The following FAIM2 variants were observed in gnomAD, a reference collection of about 807,000 sequenced individuals.
The protein encoded by FAIM2 is Fas apoptotic inhibitory molecule 2.
Under a neutral mutation model 47.4 loss-of-function variants are expected in FAIM2, and 27 were observed. The observed-to-expected ratio is 0.57, with a 90% CI of 0.42 to 0.78. FAIM2 has a LOEUF of 0.78. Ranked by LOEUF, FAIM2 falls within the 30% of genes least tolerant of loss-of-function variation. The pLI is 0.00. For missense variants in FAIM2, 311 were observed against 389.4 expected, an observed-to-expected ratio of 0.80 and a Z score of 1.69; for synonymous variants, 156 against 159.3, an observed-to-expected ratio of 0.98 and a Z score of 0.16.
At chr12:49,887,326 G>T in intron 11 of FAIM2, 60 bp downstream of exon 11, 3 of 1,463,174 alleles carry the variant, frequency 2.1e-6, no homozygotes, top group Non-Finnish European at 2.8e-6. Flanking sequence ...AGGAGAAGGG[G>T]ACTGGGGTGA....
At chr12:49,887,298 G>A (rs1219352823) in intron 11 of FAIM2, 88 bp downstream of exon 11, 1 of 1,208,612 alleles carries the variant, frequency 8.3e-7, no homozygotes, top group South Asian at 1.3e-5. Context: ...CAGGGAAGAG[G>A]GCTGTGAGGA....
intron 11 of FAIM2, among the ~76,000 whole-genome samples, chr12:49,870,915 T>A (rs1946697835): frequency 1.3e-5 from 2 of 152,024 alleles, no homozygotes; most frequent in African/African-American, 2.4e-5. Flanking sequence ...GAGCTTAGAG[T>A]CTAGAGGAAG....
rs1946943119 is a variant in FAIM2 at position 49,897,100 on chromosome 12, A to G, written c.381-16T>C. On this transcript the variant is annotated splice_polypyrimidine_tract_variant and intron_variant, in intron 4 of 11. Coordinates refer to ENST00000320634, the MANE Select transcript of FAIM2 (RefSeq NM_012306.4). ...GACAGGGTCACTGCAGAGAAGAGAG[A>G]GTGGGAGAGAGAGTCAGAATGTACC... 1 of 1,608,306 alleles carries G rather than the reference A, an allele frequency of 6.2e-7. No homozygotes were observed. Among genetic ancestry groups the G allele is most frequent in the South Asian group, 1.1e-5 (1 of 90,948 alleles).
chr12:49,890,159 A>G lies in FAIM2; in HGVS notation c.526-5T>C. On this transcript the variant is annotated splice_region_variant and splice_polypyrimidine_tract_variant and intron_variant, in intron 7 of 11. Coordinates refer to ENST00000320634, the MANE Select transcript of FAIM2 (RefSeq NM_012306.4). Reference sequence around the variant, plus strand: ...GAGGTAGGCCATGGACAGGGTCTGAAAGGAGAAGCAGGGTAAAGGAATGTT... The same window carrying G: ...GAGGTAGGCCATGGACAGGGTCTGAGAGGAGAAGCAGGGTAAAGGAATGTT... 6.2e-7 allele frequency: 1 copy of G among 1,613,966 alleles called. No homozygotes were observed. Among genetic ancestry groups the G allele is most frequent in the Non-Finnish European group, 8.5e-7 (1 of 1,179,886 alleles).
intron 5 of FAIM2, among the ~76,000 whole-genome samples, chr12:49,892,118 C>T (rs899762242): frequency 2.6e-5 from 4 of 152,126 alleles, no homozygotes; most frequent in Admixed American, 6.5e-5. Flanking sequence ...TCACTCTTCC[C>T]GCACAGTCTG....
At chr12:49,887,551 G>T in intron 10 of FAIM2, 112 bp from the exon 11 acceptor site, 1 of 919,266 alleles carries the variant, frequency 1.1e-6, no homozygotes, top group Non-Finnish European at 1.7e-6. Flanking sequence ...CCTGCCCAGA[G>T]CTCCCTAAGG....
At chr12:49,890,949 A>G in intron 6 of FAIM2, 115 bp downstream of exon 6, 2 of 1,058,866 alleles carry the variant, frequency 1.9e-6, no homozygotes, top group Non-Finnish European at 2.9e-6. Context: ...AGGCCCAGAG[A>G]GGGATGGGGC....
rs1946881548 is a variant in FAIM2 at position 49,889,122 on chromosome 12, G to A, written c.732C>T (p.Leu244=). Residue 244 remains leucine (L), a synonymous_variant, in exon 10 of 12, where the codon CTC becomes CTT. Transcript: ENST00000320634. The part of the protein sequence containing the change: ...LFFSGLILAI[L]LPFQYVPWLH... ...AGAGACTCACATATTGGAAGGGTAG[G>A]AGGATGGCCAGGATGAGTCCGCTGA... 2 of 1,610,546 alleles carry A rather than the reference G, an allele frequency of 1.2e-6. No individual in the cohort carries two copies. Among genetic ancestry groups the A allele is most frequent in the Non-Finnish European group, 1.7e-6 (2 of 1,178,356 alleles).
At position 49,879,156 on chromosome 12, in the gene FAIM2, GTGTA is replaced by G. The variant is rs1354489041; in HGVS notation, c.801+8226_801+8229del. Among the ~76,000 whole-genome samples the G allele has an allele frequency of 1.5e-5, 2 of 136,246 alleles. 1 individual carries two copies. Among genetic ancestry groups the G allele is most frequent in the South Asian group, 5.0e-4 (2 of 3,968 alleles). 89.4% of individuals were successfully genotyped at this position (136,246 alleles called of 152,430 possible). Reference sequence around the variant, plus strand: ...TCTCTGCATGTTTGTGTATGTGCATGTGTATGTGTGTGTGCATGAGTGCATGTGT... The same window carrying G: ...TCTCTGCATGTTTGTGTATGTGCATGTGTGTGTGTGCATGAGTGCATGTGT... On this transcript the variant is annotated intron_variant, in intron 11 of 11. Transcript: ENST00000320634.
At chr12:49,881,943 G>T (rs1048638567) in intron 11 of FAIM2, among the ~76,000 whole-genome samples, 25 of 152,246 alleles carry the variant, frequency 1.6e-4, no homozygotes, top group Non-Finnish European at 3.1e-4. Flanking sequence ...AAAGATGGCA[G>T]AATCTCAAGA....
At chr12:49,895,633 C>A (rs1456617308) in intron 5 of FAIM2, among the ~76,000 whole-genome samples, 1 of 152,234 alleles carries the variant, frequency 6.6e-6, no homozygotes, top group Non-Finnish European at 1.5e-5. Context: ...TGCCTGCCTG[C>A]AGACAGGCCC....
intron 5 of FAIM2, among the ~76,000 whole-genome samples, chr12:49,896,667 C>T (rs1231499197): frequency 6.6e-6 from 1 of 152,236 alleles, no homozygotes; most frequent in African/African-American, 2.4e-5. Context: ...TTACTAACAA[C>T]ATTAATAAGA....
At chr12:49,890,582 G>T in intron 7 of FAIM2, 101 bp downstream of exon 7, 2 of 1,115,310 alleles carry the variant, frequency 1.8e-6, no homozygotes, top group South Asian at 1.2e-5. Context: ...CCTCACATTG[G>T]ACATCCCCAG....
chr12:49,878,888 G>GCA lies in FAIM2; in HGVS notation c.802-8236_802-8235insTG, dbSNP rs1413904158. 1.2e-3 allele frequency among the ~76,000 whole-genome samples: 52 copies of GCA among 42,028 alleles called. 3 individuals are homozygous for GCA. Among genetic ancestry groups the GCA allele is most frequent in the African/African-American group, 5.9e-3 (52 of 8,862 alleles). The allele number at this position is 42,028 out of a possible 152,430, so 27.6% of individuals were successfully genotyped here. A position where few individuals can be genotyped will look rare whatever the true frequency, so the allele number is the denominator to read the frequency against. Reference sequence around the variant, plus strand: ...TGTGCATGTGAGTGTGTATGCATGTGTATATGTGCATGTGTATGCGTGTGA... The same window carrying GCA: ...TGTGCATGTGAGTGTGTATGCATGTGCATATATGTGCATGTGTATGCGTGTGA... On this transcript the variant is annotated intron_variant, in intron 11 of 11. Transcript: ENST00000320634.
chr12:49,884,646 G>A (rs1022846429), intron 11 of FAIM2, among the ~76,000 whole-genome samples: 7 of 152,200 alleles, frequency 4.6e-5, no homozygotes, highest in Admixed American at 1.3e-4. Context: ...GGACACCTGG[G>A]TCTTGGTCCT....
rs146955343 is a variant in FAIM2 at position 49,899,738 on chromosome 12, T to C, written c.211+1392A>G. On this transcript the variant is annotated intron_variant, in intron 2 of 11. Transcript: ENST00000320634. Reference sequence around the variant, plus strand: ...TCACTGTGTTTGTGTCACTGTGTGGTAGTTGTCCAATCACTTGTCTATACA... The same window carrying C: ...TCACTGTGTTTGTGTCACTGTGTGGCAGTTGTCCAATCACTTGTCTATACA... Among the ~76,000 whole-genome samples, 10 of 152,324 alleles carry C rather than the reference T, an allele frequency of 6.6e-5. No homozygotes were observed. In the East Asian group the frequency reaches 1.9e-3, roughly 29 times the overall value.
At position 49,901,192 on chromosome 12, in the gene FAIM2, C is replaced by T; in HGVS notation, c.149G>A (p.Gly50Glu). Residue 50 changes from glycine (G) to glutamate (E), a missense_variant, in exon 2 of 12, where the codon GGG (glycine) becomes GAG (glutamate). Gly to Glu is a moderately conservative substitution (Grantham distance 98). Coordinates refer to ENST00000320634, the MANE Select transcript of FAIM2 (RefSeq NM_012306.4). ...CGCTGTGGGGGCTGGGGGGAAGGCC[C>T]CTGCCTTCATCCCCTCCCCAGAGGT... is the stretch of plus-strand genomic sequence containing the variant. Reference protein sequence around the residue: ...EATSGEGMKAGAFPPAPTAVP... With the variant: ...EATSGEGMKAEAFPPAPTAVP... The T allele has an allele frequency of 6.2e-7, 1 of 1,610,198 alleles. No individual in the cohort carries two copies. The highest frequency in any genetic ancestry group is 8.5e-7 in the Non-Finnish European group (1 of 1,178,350).
At chr12:49,900,405 C>A (rs150778937) in intron 2 of FAIM2, 113 of 268,244 alleles carry the variant, frequency 4.2e-4, no homozygotes, top group African/African-American at 2.2e-3. Context: ...GGAAGCTATA[C>A]GTTCCTGGCC....
At chr12:49,878,082 G>T (rs1946753041) in intron 11 of FAIM2, among the ~76,000 whole-genome samples, 1 of 136,110 alleles carries the variant, frequency 7.3e-6, no homozygotes, top group South Asian at 2.3e-4. Context: ...GTTTATGTGT[G>T]CATGTGAGTG....
Sources: gnomAD v4.1 joint callset for allele counts (sites outside exome capture counted in the v4.1 genomes callset) on GRCh38, gnomAD v4.1.1 for gene constraint, MANE v1.5 for transcripts, NCBI Gene and HGNC (gene_info 2026-07-23, HGNC 2026-07-21) for gene names.